Variants in SYNE1 observed in about 807,000 individuals in gnomAD.
The protein encoded by SYNE1 is spectrin repeat containing nuclear envelope protein 1.
SYNE1 carries 616 observed loss-of-function variants against 1,111.0 expected under a neutral mutation model. The observed-to-expected ratio is 0.55, with a 90% CI of 0.52 to 0.59. SYNE1 has a LOEUF of 0.59. SYNE1 is among the 20% of genes least tolerant of loss of function. The pLI is 0.00. For synonymous variants in SYNE1, 3,855 were observed against 3,825.8 expected, an observed-to-expected ratio of 1.01 and a Z score of -0.28; for missense variants, 10,006 against 10,417.0, an observed-to-expected ratio of 0.96 and a Z score of 1.72.
chr6:152,554,137 G>A (rs1168729438), intron 3 of SYNE1, among the ~76,000 whole-genome samples: 1 of 152,026 alleles, frequency 6.6e-6, no homozygotes, highest in East Asian at 1.9e-4. Context: ...GAGGGGCATG[G>A]TCTGCACTGT....
chr6:152,501,012 G>A (rs902817441), intron 10 of SYNE1, among the ~76,000 whole-genome samples: 4 of 150,364 alleles, frequency 2.7e-5, no homozygotes, highest in African/African-American at 9.8e-5. Context: ...ACTCTTCATT[G>A]TCATCTCAAA....
chr6:152,156,853 A>G (rs1386832743), intron 131 of SYNE1, among the ~76,000 whole-genome samples: 3 of 151,396 alleles, frequency 2.0e-5, no homozygotes, highest in African/African-American at 4.9e-5. Context: ...TTTGGGATGG[A>G]GTCTCACTCT....
rs753090581 is a variant in SYNE1, at chr6:152,330,557, G to C, written c.14128C>G (p.Leu4710Val). Residue 4710 changes from leucine (L) to valine (V), a missense_variant, in exon 78 of 146, where the codon CTT (leucine) becomes GTT (valine). This residue lies in a region of SYNE1 where 4,955 missense variants were observed against 5,017.2 expected (regional missense o/e 0.99). Coordinates refer to ENST00000367255, the MANE Select transcript of SYNE1 (RefSeq NM_182961.4). ...VPTDLAVEEA[L>V]SLQDGCRAIL... Reference sequence around the variant, plus strand: ...GCTCTGCAACCATCTTGCAGAGAAAGAGCCTCCTCAACGGCCAGGTCGGTG... The same window carrying C: ...GCTCTGCAACCATCTTGCAGAGAAACAGCCTCCTCAACGGCCAGGTCGGTG... The C allele has an allele frequency of 4.3e-6, 7 of 1,614,076 alleles. No homozygotes were observed. Among genetic ancestry groups the C allele is most frequent in the Non-Finnish European group, 4.2e-6 (5 of 1,180,038 alleles).
rs1019523348 is a variant in SYNE1, at chr6:152,367,120, A to G, written c.9972+98T>C. The G allele has an allele frequency of 4.2e-6, 6 of 1,431,586 alleles. No individual in the cohort carries two copies. The Admixed American group carries it at 5.0e-5, about 12-fold the overall frequency. The allele number at this position is 1,431,586 out of a possible 1,614,324, so 88.7% of individuals were successfully genotyped here. On this transcript the variant is annotated intron_variant, in intron 62 of 145. Coordinates refer to ENST00000367255, the MANE Select transcript of SYNE1 (RefSeq NM_182961.4). ...ACAAAGCATCTGAGATTTATCATGG[A>G]GAGAATGTGACATCATCACCCCAGG...
At chr6:152,620,212 T>C (rs1022175048) in intron 3 of SYNE1, among the ~76,000 whole-genome samples, 2 of 152,192 alleles carry the variant, frequency 1.3e-5, no homozygotes, top group African/African-American at 2.4e-5. Context: ...TTGTCTTTTT[T>C]CTTCCTACCA....
chr6:152,516,593 TA>T (rs1181682924), intron 6 of SYNE1, among the ~76,000 whole-genome samples: 1 of 152,168 alleles, frequency 6.6e-6, no homozygotes, highest in African/African-American at 2.4e-5. Flanking sequence ...TTTTTATTTT[TA>T]TTTTTTTTAA....
At chr6:152,221,634 A>G in intron 117 of SYNE1, 75 bp from the exon 118 acceptor site, 1 of 1,582,120 alleles carries the variant, frequency 6.3e-7, no homozygotes. Flanking sequence ...AGGAATTTGT[A>G]TATGTTTTCA....
chr6:152,437,673 G>A (rs561161226), intron 32 of SYNE1, among the ~76,000 whole-genome samples: 5 of 152,138 alleles, frequency 3.3e-5, no homozygotes, highest in African/African-American at 9.6e-5. Flanking sequence ...AATTAGAAAA[G>A]GTAAACCCAG....
intron 5 of SYNE1, among the ~76,000 whole-genome samples, chr6:152,522,088 A>G (rs1028065848): frequency 6.6e-6 from 1 of 151,890 alleles, no homozygotes; most frequent in African/African-American, 2.4e-5. Flanking sequence ...ATTTTTTTTA[A>G]CTTCAATAAC....
chr6:152,442,385 G>C (rs1029596283), intron 30 of SYNE1, 140 bp from the exon 31 acceptor site: 1 of 906,846 alleles, frequency 1.1e-6, no homozygotes, highest in Non-Finnish European at 1.7e-6. Flanking sequence ...AGTTGAAATG[G>C]TAGTCGGTTG....
Position 152,176,703 on chromosome 6 carries a change from T to C in SYNE1, c.23461-143A>G, listed in dbSNP as rs889435962. 3.6e-6 allele frequency: 3 copies of C among 829,414 alleles called. No individual in the cohort carries two copies. The African/African-American group carries it at 5.0e-5, about 14-fold the overall frequency. The allele number at this position is 829,414 out of a possible 1,614,324, so 51.4% of individuals were successfully genotyped here. A position where few individuals can be genotyped will look rare whatever the true frequency, so the allele number is the denominator to read the frequency against. Reference sequence around the variant, plus strand: ...GGAATACCATGTGGATATCAGCCCATGTGCACAAGTATTAGTAGTGCCTAT... The same window carrying C: ...GGAATACCATGTGGATATCAGCCCACGTGCACAAGTATTAGTAGTGCCTAT... On this transcript the variant is annotated intron_variant, in intron 129 of 145. Transcript: ENST00000367255.
At chr6:152,614,739 T>A (rs2099641188) in intron 3 of SYNE1, among the ~76,000 whole-genome samples, 1 of 152,148 alleles carries the variant, frequency 6.6e-6, no homozygotes, top group African/African-American at 2.4e-5. Context: ...AACCCAGATG[T>A]CCATCAATGA....
At chr6:152,386,813 A>G (rs2154126089) in intron 54 of SYNE1, among the ~76,000 whole-genome samples, 1 of 152,290 alleles carries the variant, frequency 6.6e-6, no homozygotes, top group Non-Finnish European at 1.5e-5. Flanking sequence ...AAAGCGGAGA[A>G]AGAGAAAAAT....
Position 152,505,365 on chromosome 6 carries a change from T to C in SYNE1, c.614A>G (p.Lys205Arg). 5.0e-6 allele frequency: 8 copies of C among 1,614,078 alleles called. No homozygotes were observed. The highest frequency in any genetic ancestry group is 6.8e-6 in the Non-Finnish European group (8 of 1,180,002). ...QTGIEVKDFG[K>R]SWRSGVAFHS... is the part of the protein sequence containing the mutation. Reference sequence around the variant, plus strand: ...AAAGGCAACCCCGCTTCTCCAACTCTTCCCAAAATCTTTTACTTCTATTCC... The same window carrying C: ...AAAGGCAACCCCGCTTCTCCAACTCCTCCCAAAATCTTTTACTTCTATTCC... Residue 205 changes from lysine (K) to arginine (R), a missense_variant, in exon 9 of 146, where the codon AAG (lysine) becomes AGG (arginine). Physicochemically the swap from Lys to Arg is conservative, Grantham distance 26. Around this residue, in one of 7 missense-constraint regions of SYNE1, gnomAD observed 1,971 missense variants for 2,084.1 expected, o/e 0.95. Coordinates refer to ENST00000367255, the MANE Select transcript of SYNE1 (RefSeq NM_182961.4).
At chr6:152,559,248 C>T (rs560839277) in intron 3 of SYNE1, among the ~76,000 whole-genome samples, 3 of 151,810 alleles carry the variant, frequency 2.0e-5, no homozygotes, top group South Asian at 4.2e-4. Context: ...CAGCTGAGTG[C>T]CACAATGCCC....
intron 56 of SYNE1, among the ~76,000 whole-genome samples, chr6:152,378,964 C>T (rs1237964187): frequency 6.6e-6 from 1 of 152,188 alleles, no homozygotes; most frequent in African/African-American, 2.4e-5. Context: ...AAAAATTCAT[C>T]AACAACTAAA....
intron 3 of SYNE1, among the ~76,000 whole-genome samples, chr6:152,547,292 T>C (rs1207948272): frequency 6.6e-6 from 1 of 152,242 alleles, no homozygotes; most frequent in African/African-American, 2.4e-5. Flanking sequence ...CATATGGCAT[T>C]GGTCTTGCGA....
At chr6:152,632,118 C>T (rs146402114) in intron 2 of SYNE1, among the ~76,000 whole-genome samples, 59 of 152,256 alleles carry the variant, frequency 3.9e-4, no homozygotes, top group African/African-American at 1.4e-3. Context: ...CTAGTCTTAC[C>T]TCACTCTAAA....
chr6:152,136,562 C>T lies in SYNE1; in HGVS notation c.25659+56G>A. On this transcript the variant is annotated intron_variant, in intron 141 of 145. Coordinates refer to ENST00000367255, the MANE Select transcript of SYNE1 (RefSeq NM_182961.4). Reference sequence around the variant, plus strand: ...ACCATGATACATCAAGTCACACACTCAGCTAAATTGCTAATGTCTCTCTCT... The same window carrying T: ...ACCATGATACATCAAGTCACACACTTAGCTAAATTGCTAATGTCTCTCTCT... 1.9e-6 allele frequency: 3 copies of T among 1,601,806 alleles called. No homozygotes were observed. The South Asian group carries it at 3.3e-5, about 18-fold the overall frequency.
Sources: gnomAD v4.1 joint callset for allele counts (sites outside exome capture counted in the v4.1 genomes callset) on GRCh38, gnomAD v4.1.1 for gene constraint, gnomAD v4.1.1 regional missense constraint, MANE v1.5 for transcripts, NCBI Gene and HGNC (gene_info 2026-07-23, HGNC 2026-07-21) for gene names.